ZNF804B: variants seen among roughly 807,000 people sequenced by gnomAD.
ZNF804B encodes zinc finger protein 804B.
In ZNF804B, 80 loss-of-function variants were observed where a neutral mutation model predicts 101.4. That is an observed-to-expected ratio of 0.79 (90% confidence interval 0.66 to 0.95). The LOEUF is 0.95. ZNF804B is among the 40% of genes least tolerant of loss of function. The pLI, the probability that ZNF804B is intolerant of heterozygous loss-of-function variation, is 0.00. For synonymous variants in ZNF804B, 622 were observed against 558.8 expected (o/e 1.11, Z -1.59); for missense variants, 1,673 against 1,561.9 (o/e 1.07, Z -1.20).
intron 2 of ZNF804B, among the ~76,000 whole-genome samples, chr7:89,314,742 A>G (rs1790696010): frequency 6.6e-6 from 1 of 152,194 alleles, no homozygotes; most frequent in South Asian, 2.1e-4. Flanking sequence ...AGTGACAGAA[A>G]CAAAATATAA....
chr7:88,901,487 A>G (rs1372408808), intron 1 of ZNF804B, among the ~76,000 whole-genome samples: 3 of 151,908 alleles, frequency 2.0e-5, no homozygotes, highest in Admixed American at 2.0e-4. Flanking sequence ...AATAGTAAAA[A>G]CAACTTTACT....
intron 1 of ZNF804B, among the ~76,000 whole-genome samples, chr7:88,834,975 A>G (rs1791189741): frequency 1.3e-5 from 2 of 151,840 alleles, no homozygotes; most frequent in South Asian, 4.1e-4. Flanking sequence ...TCTTTTGTAC[A>G]AGGAAATAAT....
chr7:88,874,421 G>A (rs1420919088), intron 1 of ZNF804B, among the ~76,000 whole-genome samples: 2 of 151,796 alleles, frequency 1.3e-5, no homozygotes, highest in Non-Finnish European at 2.9e-5. Context: ...TGCAAACAGG[G>A]ACAATTTGAC....
At chr7:89,162,276 A>G (rs1791078428) in intron 1 of ZNF804B, among the ~76,000 whole-genome samples, 2 of 152,180 alleles carry the variant, frequency 1.3e-5, no homozygotes, top group Non-Finnish European at 2.9e-5. Context: ...AAGATTTATC[A>G]TGATTTCATC....
In ZNF804B at chr7:88,928,274, T is replaced by C. The variant is rs539066336; in HGVS notation, c.108+168190T>C. 1.8e-4 allele frequency among the ~76,000 whole-genome samples: 28 copies of C among 152,318 alleles called. No individual in the cohort carries two copies. In the South Asian group the frequency reaches 5.8e-3, roughly 32 times the overall value. On this transcript the variant is annotated intron_variant, in intron 1 of 3. Coordinates refer to ENST00000333190, the MANE Select transcript of ZNF804B (RefSeq NM_181646.5). ...CTCTGAGCCATGTATAGAGAACTGC[T>C]TGTATCCTTGACCCTGTGTGTTTCT...
At chr7:89,033,163 C>G (rs947776224) in intron 1 of ZNF804B, among the ~76,000 whole-genome samples, 1 of 152,008 alleles carries the variant, frequency 6.6e-6, no homozygotes, top group Non-Finnish European at 1.5e-5. Flanking sequence ...CCATTCTAAC[C>G]TCTGCTACTT....
At chr7:89,308,551 T>G (rs38934) in intron 2 of ZNF804B, among the ~76,000 whole-genome samples, 13,437 of 152,258 alleles carry the variant, frequency 0.088, 728 homozygotes, top group Non-Finnish European at 0.12. Flanking sequence ...GATATTTTTC[T>G]GCAAATATAA....
intron 1 of ZNF804B, among the ~76,000 whole-genome samples, chr7:89,026,166 A>T (rs1254699127): frequency 6.6e-6 from 1 of 152,204 alleles, no homozygotes; most frequent in Non-Finnish European, 1.5e-5. Context: ...ATATGTCCTC[A>T]GGAAGCTACA....
intron 1 of ZNF804B, among the ~76,000 whole-genome samples, chr7:88,849,897 C>A (rs913280401): frequency 2.6e-5 from 4 of 151,578 alleles, no homozygotes; most frequent in Non-Finnish European, 4.4e-5. Flanking sequence ...TTAAGTTCTC[C>A]CTGTATTCAG....
chr7:89,108,492 A>G (rs538891112), intron 1 of ZNF804B, among the ~76,000 whole-genome samples: 31 of 152,254 alleles, frequency 2.0e-4, no homozygotes, highest in African/African-American at 7.0e-4. Flanking sequence ...AAAGAGCCTC[A>G]CTTTTAGAAA....
intron 1 of ZNF804B, among the ~76,000 whole-genome samples, chr7:88,908,461 C>A (rs1729516892): frequency 6.6e-6 from 1 of 151,710 alleles, no homozygotes; most frequent in African/African-American, 2.4e-5. Context: ...TAGACAAGCA[C>A]ATCTTTTATT....
At chr7:89,227,388 T>A (rs996740904) in intron 2 of ZNF804B, among the ~76,000 whole-genome samples, 5 of 152,226 alleles carry the variant, frequency 3.3e-5, no homozygotes, top group Non-Finnish European at 5.9e-5. Flanking sequence ...ATTGGTCTAG[T>A]GCCTTCTGTA....
chr7:89,074,070 A>G (rs533412359), intron 1 of ZNF804B, among the ~76,000 whole-genome samples: 1 of 152,108 alleles, frequency 6.6e-6, no homozygotes, highest in African/African-American at 2.4e-5. Flanking sequence ...AGAAATGGGG[A>G]AGGTAAAGTA....
chr7:88,854,533 T>TCCCTTCCCTTCCCTTCCCTTC (rs1554340260), intron 1 of ZNF804B, among the ~76,000 whole-genome samples: 1 of 78,178 alleles, frequency 1.3e-5, no homozygotes, highest in African/African-American at 5.8e-5. Context: ...TTCCTTTCCT[T>TCCCTTCCCTTCCCTTCCCTTC]CCTTCCTTCC....
At position 88,803,865 on chromosome 7, in the gene ZNF804B, AAAG is replaced by A. The variant is rs559843140; in HGVS notation, c.108+43788_108+43790del. Among the ~76,000 whole-genome samples, 300 of 152,216 alleles carry A rather than the reference AAAG, an allele frequency of 2.0e-3. 4 individuals carry two copies. Among genetic ancestry groups the A allele is most frequent in the Non-Finnish European group, 1.5e-3 (101 of 67,990 alleles). On this transcript the variant is annotated intron_variant, in intron 1 of 3. Transcript: ENST00000333190. ...AATGAAGTCATGAGATAGTGAAAGG[AAAG>A]AAGAAGGTGGAGGAGCACATTATGG...
chr7:89,033,041 GA>G (rs200755366), intron 1 of ZNF804B, among the ~76,000 whole-genome samples: 116 of 143,498 alleles, frequency 8.1e-4, no homozygotes, highest in African/African-American at 1.8e-3. Context: ...TATTTAAAAG[GA>G]AAAAAAAAAA....
intron 1 of ZNF804B, among the ~76,000 whole-genome samples, chr7:89,171,314 T>C (rs1279989742): frequency 4.1e-5 from 5 of 121,320 alleles, no homozygotes; most frequent in African/African-American, 9.2e-5. Flanking sequence ...CTTCTTCTTC[T>C]TCTTCTTCTT....
At chr7:88,899,884 T>C (rs935356242) in intron 1 of ZNF804B, among the ~76,000 whole-genome samples, 2 of 152,330 alleles carry the variant, frequency 1.3e-5, no homozygotes, top group African/African-American at 4.8e-5. Flanking sequence ...TCTACATTGG[T>C]AGTTTACATA....
chr7:88,763,386 A>G (rs1396734193), intron 1 of ZNF804B, among the ~76,000 whole-genome samples: 1 of 152,158 alleles, frequency 6.6e-6, no homozygotes, highest in Non-Finnish European at 1.5e-5. Context: ...AGTGAAATTC[A>G]GCTTCTATCT....
Sources: allele counts gnomAD v4.1 joint callset (sites outside exome capture counted in the v4.1 genomes callset), GRCh38; gene constraint gnomAD v4.1.1; transcripts MANE v1.5; gene names NCBI Gene and HGNC (gene_info 2026-07-23, HGNC 2026-07-21).